Variants in NTRK3 observed in about 807,000 individuals in gnomAD.
NTRK3 encodes neurotrophic receptor tyrosine kinase 3.
NTRK3 carries 24 observed loss-of-function variants against 91.7 expected under a neutral mutation model. The observed-to-expected ratio is 0.26, with a 90% CI of 0.19 to 0.37. The LOEUF (loss-of-function observed/expected upper bound fraction) is 0.37. Among genes scored for constraint, NTRK3 ranks in the 10% least tolerant of loss-of-function variants. The pLI is 1.00. For synonymous variants in NTRK3, 483 were observed against 404.0 expected (o/e 1.20, Z -2.34); for missense variants, 880 against 1,068.9 (o/e 0.82, Z 2.46).
intron 5 of NTRK3, among the ~76,000 whole-genome samples, chr15:88,157,898 T>C (rs2044067861): frequency 6.6e-6 from 1 of 152,174 alleles, no homozygotes; most frequent in African/African-American, 2.4e-5. Context: ...GGGTTCCTGA[T>C]ACTCAAACCA....
chr15:88,176,778 G>A (rs1019366704), intron 5 of NTRK3, among the ~76,000 whole-genome samples: 8 of 152,218 alleles, frequency 5.3e-5, no homozygotes, highest in African/African-American at 1.9e-4. Context: ...CTGCTCCACG[G>A]AAGTTTACAT....
At chr15:88,001,236 C>T (rs2076079087) in intron 14 of NTRK3, among the ~76,000 whole-genome samples, 1 of 152,084 alleles carries the variant, frequency 6.6e-6, no homozygotes, top group Non-Finnish European at 1.5e-5. Context: ...ATTCTGGATA[C>T]TACTCCCTTA....
chr15:88,097,438 G>A (rs1225145146), intron 13 of NTRK3, among the ~76,000 whole-genome samples: 2 of 152,174 alleles, frequency 1.3e-5, no homozygotes, highest in African/African-American at 4.8e-5. Context: ...AAGAGGAATG[G>A]GAAGAGATAG....
At chr15:88,147,443 C>G (rs147483021) in intron 5 of NTRK3, 40 bp from the exon 6 acceptor site, 2 of 1,562,768 alleles carry the variant, frequency 1.3e-6, no homozygotes, top group Non-Finnish European at 1.8e-6. Flanking sequence ...TAAAACAAGT[C>G]TGGCACAAAT....
intron 14 of NTRK3, among the ~76,000 whole-genome samples, chr15:87,956,613 A>C (rs2071690332): frequency 6.6e-6 from 1 of 150,946 alleles, no homozygotes; most frequent in Non-Finnish European, 1.5e-5. Context: ...TGTGCTGCCC[A>C]GGCTGGAGTG....
intron 14 of NTRK3, among the ~76,000 whole-genome samples, chr15:87,950,345 C>T (rs1332312785): frequency 6.6e-6 from 1 of 152,200 alleles, no homozygotes; most frequent in Non-Finnish European, 1.5e-5. Flanking sequence ...TTGACCTTGA[C>T]AGCTACCTAC....
At chr15:88,001,194 T>C (rs2076075117) in intron 14 of NTRK3, among the ~76,000 whole-genome samples, 2 of 152,206 alleles carry the variant, frequency 1.3e-5, no homozygotes, top group Admixed American at 6.5e-5. Flanking sequence ...TATTGGGTTG[T>C]CTTTTTATTG....
intron 6 of NTRK3, among the ~76,000 whole-genome samples, chr15:88,146,791 GAAAAGACATGTA>G (rs541944245): frequency 1.2e-3 from 188 of 152,294 alleles, no homozygotes; most frequent in African/African-American, 4.3e-3. Flanking sequence ...TATGAGTGGT[GAAAAGACATGTA>G]ACTTGAAGTC....
intron 13 of NTRK3, among the ~76,000 whole-genome samples, chr15:88,080,081 C>T (rs2047913196): frequency 6.6e-6 from 1 of 152,098 alleles, no homozygotes; most frequent in Non-Finnish European, 1.5e-5. Flanking sequence ...TTGAATGAAC[C>T]ATGATTTACA....
In NTRK3 at chr15:88,012,521, CTT is replaced by C. The variant is rs1385221391; in HGVS notation, c.1585+20334_1585+20335del. On this transcript the variant is annotated intron_variant, in intron 14 of 18. Transcript: ENST00000394480. ...AGGGTGAGAATGAGGCTGAGAACCT[CTT>C]GTTTATATCACTGTCACAAAAAAGT... is the stretch of plus-strand genomic sequence containing the variant. 2.0e-5 allele frequency among the ~76,000 whole-genome samples: 3 copies of C among 152,170 alleles called. No homozygotes were observed. The South Asian group carries it at 6.2e-4, about 31-fold the overall frequency.
intron 17 of NTRK3, among the ~76,000 whole-genome samples, chr15:87,903,480 C>G (rs1035426558): frequency 1.3e-5 from 2 of 152,196 alleles, no homozygotes; most frequent in African/African-American, 4.8e-5. Context: ...GCATTCCAGG[C>G]CCCTTTTATC....
intron 14 of NTRK3, among the ~76,000 whole-genome samples, chr15:87,943,929 A>T (rs2070161621): frequency 6.6e-6 from 1 of 152,046 alleles, no homozygotes; most frequent in African/African-American, 2.4e-5. Flanking sequence ...GCCCAAGCAG[A>T]AGCCTCCGTG....
intron 14 of NTRK3, among the ~76,000 whole-genome samples, chr15:87,997,241 G>A (rs2075773141): frequency 6.6e-6 from 1 of 152,158 alleles, no homozygotes; most frequent in Non-Finnish European, 1.5e-5. Context: ...CAATTGTCTG[G>A]CAACAATTGG....
At chr15:87,966,103 CAAACA>C in intron 14 of NTRK3, among the ~76,000 whole-genome samples, 1 of 151,444 alleles carries the variant, frequency 6.6e-6, no homozygotes, top group East Asian at 1.9e-4. Flanking sequence ...AACAAACAAA[CAAACA>C]AAAAACTCCA....
rs2052589486 is a variant in NTRK3 at position 88,243,833 on chromosome 15, G to A, written c.248+12073C>T. 6.6e-6 allele frequency among the ~76,000 whole-genome samples: 1 copy of A among 152,162 alleles called. No homozygotes were observed. Among genetic ancestry groups the A allele is most frequent in the South Asian group, 2.1e-4 (1 of 4,830 alleles). Reference sequence around the variant, plus strand: ...ACAATCAACTTAGTCAGTTGCCCATGTGGTTTCTCCAGTTGTGACTTCGTA... The same window carrying A: ...ACAATCAACTTAGTCAGTTGCCCATATGGTTTCTCCAGTTGTGACTTCGTA... On this transcript the variant is annotated intron_variant, in intron 3 of 18. Transcript: ENST00000394480. This position sits in a 1 kb window ranked among gnomAD's most constrained non-coding sequence, Gnocchi z 4.8.
At chr15:88,017,924 C>A (rs1445091271) in intron 14 of NTRK3, among the ~76,000 whole-genome samples, 1 of 152,200 alleles carries the variant, frequency 6.6e-6, no homozygotes, top group Non-Finnish European at 1.5e-5. Flanking sequence ...GAGGGCTGCT[C>A]GACTCAGCAG....
intron 3 of NTRK3, among the ~76,000 whole-genome samples, chr15:88,219,152 G>T (rs945949034): frequency 1.3e-5 from 2 of 152,246 alleles, no homozygotes; most frequent in Non-Finnish European, 2.9e-5. Flanking sequence ...GATGGCACCC[G>T]CCTGGGCAGA....
intron 17 of NTRK3, among the ~76,000 whole-genome samples, chr15:87,915,950 C>A (rs1360854764): frequency 6.6e-6 from 1 of 152,192 alleles, no homozygotes; most frequent in Middle Eastern, 3.4e-3. Flanking sequence ...AGTGGGTGCT[C>A]GGCCCATCTG....
intron 5 of NTRK3, among the ~76,000 whole-genome samples, chr15:88,183,173 T>G (rs570643551): frequency 4.5e-4 from 68 of 152,132 alleles, no homozygotes; most frequent in Non-Finnish European, 7.1e-4. Flanking sequence ...CACACTTGGG[T>G]GTCAGGAGAC....
Sources: gnomAD v4.1 joint callset for allele counts (sites outside exome capture counted in the v4.1 genomes callset) on GRCh38, gnomAD v4.1.1 for gene constraint, Gnocchi (gnomAD v3.1) non-coding constraint, MANE v1.5 for transcripts, NCBI Gene and HGNC (gene_info 2026-07-23, HGNC 2026-07-21) for gene names.